PAM: variants seen among roughly 807,000 people sequenced by gnomAD.
The protein encoded by PAM is peptidylglycine alpha-amidating monooxygenase.
A neutral mutation model predicts 122.1 loss-of-function variants in PAM; 72 were observed. The ratio of observed to expected loss-of-function variants is 0.59; its 90% CI spans 0.49 to 0.72. PAM has a LOEUF of 0.72. Ranked by LOEUF, PAM falls within the 30% of genes least tolerant of loss-of-function variation. The probability of loss-of-function intolerance (pLI) is 0.00; values close to 1 mark genes in which losing one functional copy is unlikely to be tolerated. For missense variants in PAM, 1,106 were observed against 1,183.7 expected (o/e 0.93, Z 0.96); for synonymous variants, 389 against 404.4 (o/e 0.96, Z 0.46).
intron 1 of PAM, chr5:102,864,488 G>C (rs1308348051): frequency 6.6e-6 from 1 of 152,126 alleles, no homozygotes; most frequent in Non-Finnish European, 1.5e-5. Flanking sequence ...GATTTGGTTG[G>C]ATGTTAAGTC....
intron 3 of PAM, among the ~76,000 whole-genome samples, chr5:102,900,264 G>A (rs1197540590): frequency 9.8e-6 from 1 of 102,356 alleles, no homozygotes; most frequent in Non-Finnish European, 1.8e-5. Flanking sequence ...TGGGGGGGGG[G>A]CGGGGGGAAG....
intron 1 of PAM, among the ~76,000 whole-genome samples, chr5:102,841,112 T>A (rs1436016658): frequency 2.0e-5 from 3 of 152,020 alleles, no homozygotes; most frequent in African/African-American, 4.8e-5. Flanking sequence ...TTAAGAAGAG[T>A]AAACAAACTA....
At chr5:102,986,826 G>A (rs1771985287) in intron 15 of PAM, among the ~76,000 whole-genome samples, 1 of 152,042 alleles carries the variant, frequency 6.6e-6, no homozygotes, top group South Asian at 2.1e-4. Flanking sequence ...GTTTTATAAG[G>A]GGAAACCCCT....
chr5:103,013,143 G>A (rs1781120613), intron 21 of PAM, among the ~76,000 whole-genome samples: 1 of 152,062 alleles, frequency 6.6e-6, no homozygotes, highest in Admixed American at 6.6e-5. Context: ...CATTGAATCT[G>A]CAGATTGCTT....
chr5:102,954,069 C>G (rs1025554452), intron 12 of PAM, among the ~76,000 whole-genome samples: 1 of 151,910 alleles, frequency 6.6e-6, no homozygotes, highest in African/African-American at 2.4e-5. Context: ...GATAGGTAAG[C>G]AAAGTGATGG....
At chr5:102,793,486 C>T (rs569654346) in intron 1 of PAM, among the ~76,000 whole-genome samples, 1 of 152,292 alleles carries the variant, frequency 6.6e-6, no homozygotes, top group South Asian at 2.1e-4. Flanking sequence ...AGCCTGATCG[C>T]ACCACTGCTC....
intron 1 of PAM, among the ~76,000 whole-genome samples, chr5:102,760,423 G>A (rs183489826): frequency 1.3e-4 from 20 of 152,286 alleles, no homozygotes; most frequent in Admixed American, 1.3e-3. Context: ...TCGTTAGCCT[G>A]CAAGTAGGAT....
At chr5:102,786,472 G>A (rs1032657245) in intron 1 of PAM, among the ~76,000 whole-genome samples, 5 of 151,922 alleles carry the variant, frequency 3.3e-5, no homozygotes, top group East Asian at 1.9e-4. Context: ...TTTCTAAATC[G>A]TTGCTATTAA....
At chr5:102,975,418 G>A (rs1210806650) in intron 15 of PAM, among the ~76,000 whole-genome samples, 2 of 152,254 alleles carry the variant, frequency 1.3e-5, no homozygotes, top group East Asian at 3.9e-4. Context: ...ATAGTCCATT[G>A]GTACTGGCCT....
At chr5:103,015,817 A>G (rs577074666) in intron 21 of PAM, among the ~76,000 whole-genome samples, 2 of 152,198 alleles carry the variant, frequency 1.3e-5, no homozygotes, top group South Asian at 4.1e-4. Flanking sequence ...AAGGTTTATT[A>G]TTGTTGTTGC....
chr5:102,773,384 G>A (rs1288396869), intron 1 of PAM, among the ~76,000 whole-genome samples: 4 of 152,042 alleles, frequency 2.6e-5, no homozygotes, highest in African/African-American at 9.7e-5. Flanking sequence ...AAATATTTTA[G>A]GCTTTGTAGG....
At chr5:102,919,449 C>G (rs1445961627) in intron 5 of PAM, among the ~76,000 whole-genome samples, 1 of 152,006 alleles carries the variant, frequency 6.6e-6, no homozygotes, top group African/African-American at 2.4e-5. Flanking sequence ...CATCCTGGCC[C>G]CTGTCATCCA....
chr5:102,873,571 C>T (rs577067434), intron 3 of PAM: 4 of 152,346 alleles, frequency 2.6e-5, no homozygotes, highest in African/African-American at 9.6e-5. Context: ...GCCCGACCCT[C>T]GTCTAATTGA....
At chr5:102,894,010 C>T (rs1334855998) in intron 3 of PAM, among the ~76,000 whole-genome samples, 1 of 151,582 alleles carries the variant, frequency 6.6e-6, no homozygotes, top group African/African-American at 2.4e-5. Context: ...CTGCCCTAGT[C>T]CCTGTGATCA....
At chr5:102,942,351 G>A (rs1019450205) in intron 7 of PAM, among the ~76,000 whole-genome samples, 16 of 151,796 alleles carry the variant, frequency 1.1e-4, no homozygotes, top group Non-Finnish European at 1.6e-4. Context: ...AGAACCATAA[G>A]GTAAAGATCA....
At chr5:103,024,182 T>C (rs184416197) in intron 23 of PAM, among the ~76,000 whole-genome samples, 3 of 152,288 alleles carry the variant, frequency 2.0e-5, no homozygotes, top group Admixed American at 6.5e-5. Flanking sequence ...GGCAAATTCT[T>C]ACTAGTCTTT....
At chr5:102,863,740 G>T (rs1581083905) in intron 1 of PAM, among the ~76,000 whole-genome samples, 1 of 145,840 alleles carries the variant, frequency 6.9e-6, no homozygotes. Context: ...ATTATTATAT[G>T]TTCTACATTA....
intron 15 of PAM, among the ~76,000 whole-genome samples, chr5:102,980,747 GAA>G (rs1278579132): frequency 2.6e-5 from 4 of 152,136 alleles, no homozygotes; most frequent in Admixed American, 6.5e-5. Flanking sequence ...AAAAAACCAT[GAA>G]GTTTTTCTTT....
At chr5:102,791,915 GCTTCATTA>G (rs1762157360) in intron 1 of PAM, among the ~76,000 whole-genome samples, 2 of 152,092 alleles carry the variant, frequency 1.3e-5, no homozygotes. Context: ...ATTTGGATCT[GCTTCATTA>G]CTCCAAATAT....
Sources: allele counts gnomAD v4.1 joint callset (sites outside exome capture counted in the v4.1 genomes callset), GRCh38; gene constraint gnomAD v4.1.1; transcripts MANE v1.5; gene names NCBI Gene and HGNC (gene_info 2026-07-23, HGNC 2026-07-21).